The following GNG2 variants were observed in gnomAD, a reference collection of about 807,000 sequenced individuals.
GNG2 encodes guanine nucleotide-binding protein G(I)/G(S)/G(O) subunit gamma-2.
In GNG2, 5 loss-of-function variants were observed where a neutral mutation model predicts 5.5. The ratio of observed to expected loss-of-function variants is 0.91; its 90% confidence interval spans 0.48 to 1.92. The LOEUF (loss-of-function observed/expected upper bound fraction) is 1.92, where lower values mean the gene tolerates loss of function less well. GNG2 is among the 30% of genes most tolerant of loss of function. The pLI is 0.01. For synonymous variants in GNG2, 28 were observed against 32.0 expected, an observed-to-expected ratio of 0.88 and a Z score of 0.42; for missense variants, 55 against 88.4, an observed-to-expected ratio of 0.62 and a Z score of 1.52.
At chr14:51,900,800 C>A (rs966725491) in intron 2 of GNG2, among the ~76,000 whole-genome samples, 2 of 151,862 alleles carry the variant, frequency 1.3e-5, no homozygotes, top group South Asian at 2.1e-4. Context: ...CGTCTAATTG[C>A]CAGAAAGAGT....
chr14:51,959,595 A>G (rs1889470367), intron 3 of GNG2, among the ~76,000 whole-genome samples: 1 of 152,138 alleles, frequency 6.6e-6, no homozygotes, highest in African/African-American at 2.4e-5. Flanking sequence ...AGTAGCCTCC[A>G]GGGTAGTCTC....
Position 51,966,638 on chromosome 14 carries a change from C to T in GNG2, c.167C>T (p.Ala56Val). 1 of 1,613,666 alleles carries T rather than the reference C, an allele frequency of 6.2e-7. No individual in the cohort carries two copies. Among genetic ancestry groups the T allele is most frequent in the South Asian group, 1.1e-5 (1 of 91,080 alleles). The change falls in exon 4 of 4, where the codon GCT becomes GTT. Residue 56 changes from alanine (A) to valine (V), a missense_variant. By Grantham distance (64) the Ala-to-Val change is moderately conservative (BLOSUM62 0). Coordinates refer to ENST00000556766, the MANE Select transcript of GNG2 (RefSeq NM_053064.5). ...KEDPLLTPVP[A>V]SENPFREKKF... ...GACCCCCTCCTGACCCCTGTTCCGG[C>T]TTCAGAAAACCCGTTTAGGGAGAAG...
chr14:51,921,141 A>G (rs184681929), intron 2 of GNG2, among the ~76,000 whole-genome samples: 5 of 152,288 alleles, frequency 3.3e-5, no homozygotes, highest in African/African-American at 1.2e-4. Context: ...TGGGAACCAG[A>G]TTGTGAGGGT....
chr14:51,907,531 C>G lies in GNG2; in HGVS notation c.-30+29874C>G, dbSNP rs543320435. Among the ~76,000 whole-genome samples the G allele has an allele frequency of 1.0e-3, 155 of 152,282 alleles. 1 individual carries two copies. The highest frequency in any genetic ancestry group is 3.7e-3 in the African/African-American group (152 of 41,562). ...TCCATTCCTCTTTCATCAGAGATTGCCTTTAGCAAGGAAACAATGGACAGC... is the reference window on the plus strand; with the variant it reads ...TCCATTCCTCTTTCATCAGAGATTGGCTTTAGCAAGGAAACAATGGACAGC... On this transcript the variant is annotated intron_variant, in intron 2 of 3. Coordinates refer to ENST00000556766, the MANE Select transcript of GNG2 (RefSeq NM_053064.5).
intron 2 of GNG2, among the ~76,000 whole-genome samples, chr14:51,912,463 T>A (rs1016956053): frequency 1.3e-5 from 2 of 152,128 alleles, no homozygotes; most frequent in Admixed American, 1.3e-4. Context: ...TGTCACTTCC[T>A]GCTGTTGCTA....
intron 2 of GNG2, among the ~76,000 whole-genome samples, chr14:51,909,500 T>C (rs1274965139): frequency 6.6e-6 from 1 of 152,214 alleles, no homozygotes; most frequent in Non-Finnish European, 1.5e-5. Context: ...TACCTTACTA[T>C]GATTTTGAGG....
intron 1 of GNG2, among the ~76,000 whole-genome samples, chr14:51,866,714 T>C (rs1882918506): frequency 6.6e-6 from 1 of 152,230 alleles, no homozygotes; most frequent in Non-Finnish European, 1.5e-5. Context: ...CAGTCTCTCT[T>C]ATAAGGGCAC....
At chr14:51,926,258 G>A (rs1403105017) in intron 2 of GNG2, among the ~76,000 whole-genome samples, 1 of 151,874 alleles carries the variant, frequency 6.6e-6, no homozygotes, top group Non-Finnish European at 1.5e-5. Context: ...GCTTCACCAA[G>A]GCACATTTAA....
At chr14:51,953,395 A>G (rs1019019377) in intron 3 of GNG2, among the ~76,000 whole-genome samples, 1 of 152,228 alleles carries the variant, frequency 6.6e-6, no homozygotes, top group Non-Finnish European at 1.5e-5. Flanking sequence ...TGACGCAAAC[A>G]AGATATCCAA....
intron 2 of GNG2, among the ~76,000 whole-genome samples, chr14:51,909,916 T>C (rs1320432513): frequency 6.6e-6 from 1 of 152,152 alleles, no homozygotes; most frequent in East Asian, 1.9e-4. Flanking sequence ...TCAAGATCCT[T>C]TAAGCAGCAT....
At chr14:51,859,778 G>A (rs1882338345), upstream of GNG2, among the ~76,000 whole-genome samples, 1 of 152,208 alleles carries the variant, frequency 6.6e-6, no homozygotes, top group Non-Finnish European at 1.5e-5. Flanking sequence ...GGAAGGGACT[G>A]GAGGATCATG....
At chr14:51,881,701 C>CTTTTTTTTTTTTTTTTTTTTT (rs58544362) in intron 2 of GNG2, among the ~76,000 whole-genome samples, 1 of 104,220 alleles carries the variant, frequency 9.6e-6, no homozygotes, top group African/African-American at 3.7e-5. Context: ...AGCTGGAAGA[C>CTTTTTTTTTTTTTTTTTTTTT]TTTTTTTTTT....
chr14:51,949,841 AAGAAG>A (rs1487598346), intron 2 of GNG2, among the ~76,000 whole-genome samples: 1 of 152,210 alleles, frequency 6.6e-6, no homozygotes, highest in Middle Eastern at 3.2e-3. Context: ...AAGAAAGGAT[AAGAAG>A]AGAAATGAAT....
intron 2 of GNG2, among the ~76,000 whole-genome samples, chr14:51,850,787 A>AAG (rs1214044272): frequency 5.3e-5 from 8 of 152,022 alleles, no homozygotes; most frequent in Admixed American, 6.6e-5. Context: ...AAGCAGGAGC[A>AAG]AGAGAGAGAG....
At chr14:51,857,674 G>A (rs558742111), upstream of GNG2, among the ~76,000 whole-genome samples, 1 of 152,132 alleles carries the variant, frequency 6.6e-6, no homozygotes, top group South Asian at 2.1e-4. Context: ...GGAAGAGAGA[G>A]GAGGGGTTTG....
At chr14:51,966,290 T>G (rs1889915004) in intron 3 of GNG2, among the ~76,000 whole-genome samples, 1 of 148,254 alleles carries the variant, frequency 6.7e-6, no homozygotes, top group Non-Finnish European at 1.5e-5. Context: ...GGTTGACACC[T>G]GCATGCCCCT....
At chr14:51,865,405 C>G (rs1217411224) in intron 1 of GNG2, among the ~76,000 whole-genome samples, 1 of 151,984 alleles carries the variant, frequency 6.6e-6, no homozygotes, top group African/African-American at 2.4e-5. Flanking sequence ...ATCAAAACAT[C>G]ACATTGTACC....
At chr14:51,900,210 G>A (rs1030028277) in intron 2 of GNG2, among the ~76,000 whole-genome samples, 1 of 152,172 alleles carries the variant, frequency 6.6e-6, no homozygotes, top group African/African-American at 2.4e-5. Flanking sequence ...TCTGAAAGGT[G>A]TGAGGTGATA....
intron 2 of GNG2, among the ~76,000 whole-genome samples, chr14:51,844,876 C>T (rs926885946): frequency 1.3e-5 from 2 of 152,202 alleles, no homozygotes; most frequent in Admixed American, 6.5e-5. Context: ...CAGGCGCACG[C>T]CACCAGGCCC....
Sources: gnomAD v4.1 joint callset for allele counts (sites outside exome capture counted in the v4.1 genomes callset) on GRCh38, gnomAD v4.1.1 for gene constraint, MANE v1.5 for transcripts, NCBI Gene and HGNC (gene_info 2026-07-23, HGNC 2026-07-21) for gene names.